HCRTR2: variants seen among roughly 807,000 people sequenced by gnomAD.
The protein encoded by HCRTR2 is orexin receptor type 2.
In HCRTR2, 22 loss-of-function variants were observed where a neutral mutation model predicts 49.0. The observed-to-expected ratio is 0.45, with a 90% CI of 0.32 to 0.64. The LOEUF (loss-of-function observed/expected upper bound fraction) is 0.64. Among genes scored for constraint, HCRTR2 ranks in the 30% least tolerant of loss-of-function variants. The pLI, the probability that HCRTR2 is intolerant of heterozygous loss-of-function variation, is 0.04. For synonymous variants in HCRTR2, 236 were observed against 205.3 expected (o/e 1.15, Z -1.28); for missense variants, 491 against 559.4 (o/e 0.88, Z 1.23).
At chr6:55,159,298 A>G (rs1161034145) in intron 1 of HCRTR2, among the ~76,000 whole-genome samples, 1 of 152,052 alleles carries the variant, frequency 6.6e-6, no homozygotes, top group Non-Finnish European at 1.5e-5. Flanking sequence ...AAACAAAAAC[A>G]AAAACAGCAC....
chr6:55,145,123 T>G (rs1764561224), intron 1 of HCRTR2, among the ~76,000 whole-genome samples: 1 of 150,528 alleles, frequency 6.6e-6, no homozygotes, highest in South Asian at 2.1e-4. Flanking sequence ...TGTTTAAATG[T>G]GCTCCCTCCT....
At chr6:55,154,288 C>G (rs1426033551) in intron 1 of HCRTR2, among the ~76,000 whole-genome samples, 4 of 151,870 alleles carry the variant, frequency 2.6e-5, no homozygotes, top group Non-Finnish European at 5.9e-5. Flanking sequence ...CAGCATTATT[C>G]TGATACCAAA....
chr6:55,199,512 A>G (rs889962821), intron 1 of HCRTR2, among the ~76,000 whole-genome samples: 1 of 152,102 alleles, frequency 6.6e-6, no homozygotes, highest in Non-Finnish European at 1.5e-5. Flanking sequence ...TCTTCTCCTA[A>G]TCTATCCACT....
chr6:55,122,983 G>A (rs537955785), intron 1 of HCRTR2, among the ~76,000 whole-genome samples: 2 of 120,462 alleles, frequency 1.7e-5, no homozygotes, highest in Admixed American at 1.9e-4. Context: ...GGGGGGAGGG[G>A]GAAGGGATAG....
intron 1 of HCRTR2, among the ~76,000 whole-genome samples, chr6:55,141,178 CAA>C (rs57936133): frequency 0.04 from 5,302 of 131,872 alleles, 243 homozygotes; most frequent in African/African-American, 0.11. Context: ...ACTAAAAATA[CAA>C]AAAAAAAAAA....
At chr6:55,266,375 C>A (rs890288970) in intron 4 of HCRTR2, among the ~76,000 whole-genome samples, 6 of 152,048 alleles carry the variant, frequency 3.9e-5, no homozygotes, top group Non-Finnish European at 7.4e-5. Context: ...TTCATAAGAA[C>A]AAAGTGAGTA....
chr6:55,239,432 A>C (rs1766277684), intron 1 of HCRTR2, among the ~76,000 whole-genome samples: 2 of 152,146 alleles, frequency 1.3e-5, no homozygotes. Flanking sequence ...TATGGATTTG[A>C]TTTCTGTAGA....
At chr6:55,254,372 G>A (rs1419693268) in intron 2 of HCRTR2, among the ~76,000 whole-genome samples, 1 of 152,092 alleles carries the variant, frequency 6.6e-6, no homozygotes, top group African/African-American at 2.4e-5. Flanking sequence ...GTGGATATAT[G>A]AATTTTTAAA....
chr6:55,277,461 A>G lies in HCRTR2; in HGVS notation c.844A>G (p.Thr282Ala), dbSNP rs148624779. 4 of 1,614,014 alleles carry G rather than the reference A, an allele frequency of 2.5e-6. No homozygotes were observed. The highest frequency in any genetic ancestry group is 1.7e-5 in the Admixed American group (1 of 59,986). Residue 282 changes from threonine to alanine, a missense_variant, in exon 5 of 7, where the codon ACG becomes GCG. Coordinates refer to ENST00000370862, the MANE Select transcript of HCRTR2 (RefSeq NM_001384272.1). ...ACAGCCTCGAGGGCCAGGACAGCCA[A>G]CGAAGTCCCGGATGAGCGCTGTGGC... ...VSQPRGPGQP[T>A]KSRMSAVAAE...
Position 55,115,481 on chromosome 6 carries a change from TGTG to T in HCRTR2, c.-378+8937_-378+8939del, listed in dbSNP as rs1416804964. 0.029 allele frequency among the ~76,000 whole-genome samples: 3 copies of T among 102 alleles called. No homozygotes were observed. In the East Asian group the frequency reaches 0.3, roughly 10 times the overall value. 0.1% of individuals were successfully genotyped at this position (102 alleles called of 152,430 possible). ...TCAAATGCATTGTGTTGCTAAAGAG[TGTG>T]TGTGTGTGTGTGTGTGTGTGTGTGT... is the stretch of plus-strand genomic sequence containing the variant. On this transcript the variant is annotated intron_variant, in intron 1 of 7. Coordinates refer to the HCRTR2 transcript ENST00000615358.
At chr6:55,280,495 G>C in intron 6 of HCRTR2, 51 bp downstream of exon 6, 1 of 1,606,280 alleles carries the variant, frequency 6.2e-7, no homozygotes, top group Non-Finnish European at 8.5e-7. Flanking sequence ...CAAGGATGAG[G>C]AATCAATGAA....
intron 1 of HCRTR2, among the ~76,000 whole-genome samples, chr6:55,124,257 T>G (rs995637431): frequency 2.0e-5 from 3 of 152,204 alleles, no homozygotes; most frequent in African/African-American, 7.2e-5. Context: ...CATTCAGTGC[T>G]ATAAATTTCC....
intron 1 of HCRTR2, among the ~76,000 whole-genome samples, chr6:55,146,360 G>A (rs1764580844): frequency 6.6e-6 from 1 of 151,962 alleles, no homozygotes; most frequent in Admixed American, 6.6e-5. Context: ...CATGGTTATA[G>A]AATTCTTATT....
intron 1 of HCRTR2, among the ~76,000 whole-genome samples, chr6:55,129,210 C>T (rs560341238): frequency 2.0e-5 from 3 of 152,192 alleles, no homozygotes; most frequent in Admixed American, 1.3e-4. Flanking sequence ...CTCTCCAGCT[C>T]AAACCTTGTT....
intron 2 of HCRTR2, among the ~76,000 whole-genome samples, chr6:55,253,788 A>C (rs1309110669): frequency 6.6e-6 from 1 of 152,172 alleles, no homozygotes; most frequent in Non-Finnish European, 1.5e-5. Context: ...CAGAAAAGCA[A>C]ATACTACATG....
At chr6:55,128,365 A>G (rs921041425) in intron 1 of HCRTR2, among the ~76,000 whole-genome samples, 1 of 152,182 alleles carries the variant, frequency 6.6e-6, no homozygotes, top group Non-Finnish European at 1.5e-5. Context: ...TGATGCCACC[A>G]GCTTTGTTCT....
At chr6:55,272,043 C>G (rs1292353230) in intron 4 of HCRTR2, among the ~76,000 whole-genome samples, 1 of 152,008 alleles carries the variant, frequency 6.6e-6, no homozygotes, top group South Asian at 2.1e-4. Context: ...CATGTTTACA[C>G]AAAAACTTAC....
chr6:55,126,018 G>T (rs563742014), intron 1 of HCRTR2, among the ~76,000 whole-genome samples: 2 of 151,994 alleles, frequency 1.3e-5, no homozygotes, highest in Admixed American at 6.6e-5. Flanking sequence ...AATTACTCTA[G>T]CCTTTTTTCA....
At chr6:55,216,893 C>G (rs1765797142) in intron 1 of HCRTR2, among the ~76,000 whole-genome samples, 1 of 152,194 alleles carries the variant, frequency 6.6e-6, no homozygotes, top group Non-Finnish European at 1.5e-5. Flanking sequence ...GCCTGGGTCC[C>G]CATGCTTTTA....
Sources: allele counts gnomAD v4.1 joint callset (sites outside exome capture counted in the v4.1 genomes callset), GRCh38; gene constraint gnomAD v4.1.1; transcripts MANE v1.5; gene names NCBI Gene and HGNC (gene_info 2026-07-23, HGNC 2026-07-21).